Variants in RIMS1 observed in about 807,000 individuals in gnomAD.
RIMS1 encodes regulating synaptic membrane exocytosis 1.
RIMS1 carries 83 observed loss-of-function variants against 214.1 expected under a neutral mutation model. The observed-to-expected ratio is 0.39, with a 90% CI of 0.32 to 0.47. The LOEUF is 0.47. Ranked by LOEUF, RIMS1 falls within the 20% of genes least tolerant of loss-of-function variation. RIMS1 has a pLI of 0.99. For synonymous variants in RIMS1, 793 were observed against 786.8 expected, an observed-to-expected ratio of 1.01 and a Z score of -0.13; for missense variants, 2,050 against 2,161.8, an observed-to-expected ratio of 0.95 and a Z score of 1.03.
intron 4 of RIMS1, among the ~76,000 whole-genome samples, chr6:72,150,032 G>A (rs72653127): frequency 0.075 from 11,345 of 152,188 alleles, 642 homozygotes; most frequent in East Asian, 0.29. Flanking sequence ...AAAGGTGAGG[G>A]GGGTGGAGAG....
chr6:72,015,320 T>C (rs1334135310), intron 2 of RIMS1, among the ~76,000 whole-genome samples: 1 of 152,208 alleles, frequency 6.6e-6, no homozygotes, highest in Non-Finnish European at 1.5e-5. Context: ...TTTTGAATCT[T>C]GAATTTTTGG....
At chr6:72,273,626 A>G (rs2084612595) in intron 22 of RIMS1, among the ~76,000 whole-genome samples, 1 of 152,166 alleles carries the variant, frequency 6.6e-6, no homozygotes, top group African/African-American at 2.4e-5. Context: ...TAATTGACAT[A>G]CTTTTGCAAA....
chr6:72,054,169 A>G (rs1338017795), intron 2 of RIMS1, among the ~76,000 whole-genome samples: 1 of 152,004 alleles, frequency 6.6e-6, no homozygotes. Flanking sequence ...TGAGTGAGAA[A>G]ACGTGGTGTT....
intron 26 of RIMS1, among the ~76,000 whole-genome samples, chr6:72,302,442 G>A (rs147856677): frequency 0.017 from 2,565 of 151,590 alleles, 32 homozygotes; most frequent in Non-Finnish European, 0.023. Context: ...TCTTGGTATA[G>A]TCTATACTGA....
chr6:71,945,505 T>G (rs1358670780), intron 1 of RIMS1, among the ~76,000 whole-genome samples: 1 of 151,930 alleles, frequency 6.6e-6, no homozygotes, highest in Non-Finnish European at 1.5e-5. Context: ...GGCCTCAGAG[T>G]ATTGAATACA....
chr6:72,376,582 C>T (rs991755538), intron 29 of RIMS1, among the ~76,000 whole-genome samples: 2 of 151,982 alleles, frequency 1.3e-5, no homozygotes, highest in Non-Finnish European at 2.9e-5. Flanking sequence ...CCTGTCTCTA[C>T]AAAATCATAC....
intron 2 of RIMS1, among the ~76,000 whole-genome samples, chr6:72,005,674 C>T (rs556765019): frequency 6.6e-6 from 1 of 152,242 alleles, no homozygotes; most frequent in South Asian, 2.1e-4. Flanking sequence ...GCCTGTTGTG[C>T]TGGTAAAGAA....
At chr6:72,339,691 A>G (rs1409563341) in intron 29 of RIMS1, among the ~76,000 whole-genome samples, 2 of 151,956 alleles carry the variant, frequency 1.3e-5, no homozygotes, top group East Asian at 1.9e-4. Flanking sequence ...TCATTGTTGG[A>G]CATTTGGGTT....
At chr6:72,399,151 G>A (rs909832093) in intron 33 of RIMS1, 57 bp downstream of exon 33, 6 of 1,397,794 alleles carry the variant, frequency 4.3e-6, no homozygotes, top group African/African-American at 1.4e-5. Flanking sequence ...CCCATACATC[G>A]AAGAGATGGT....
chr6:71,922,478 T>C (rs963376670), intron 1 of RIMS1, among the ~76,000 whole-genome samples: 4 of 152,200 alleles, frequency 2.6e-5, no homozygotes, highest in Admixed American at 2.6e-4. Flanking sequence ...AGGTTTAGGC[T>C]GCAGTGAGAC....
intron 29 of RIMS1, among the ~76,000 whole-genome samples, chr6:72,373,361 C>T (rs16882348): frequency 0.015 from 2,254 of 152,258 alleles, 43 homozygotes; most frequent in African/African-American, 0.052. Context: ...CAGTGTTTTC[C>T]TTCTCAGGAA....
intron 23 of RIMS1, among the ~76,000 whole-genome samples, chr6:72,274,798 A>T (rs1026936038): frequency 1.3e-5 from 2 of 152,034 alleles, no homozygotes; most frequent in Admixed American, 6.6e-5. Context: ...CCTATTTGTT[A>T]TATTGGTTGA....
intron 2 of RIMS1, among the ~76,000 whole-genome samples, chr6:72,086,181 A>G (rs986767595): frequency 1.3e-5 from 2 of 152,174 alleles, no homozygotes; most frequent in Non-Finnish European, 2.9e-5. Flanking sequence ...GATTTCTTAA[A>G]TTTCAGAAGT....
chr6:72,223,493 C>T (rs1035723332), intron 6 of RIMS1, among the ~76,000 whole-genome samples: 31 of 151,558 alleles, frequency 2.0e-4, no homozygotes, highest in Non-Finnish European at 1.0e-4. Context: ...ACAGTAGCTG[C>T]GAAAATGTAA....
intron 6 of RIMS1, among the ~76,000 whole-genome samples, chr6:72,189,131 T>C (rs1042729334): frequency 6.6e-6 from 1 of 152,200 alleles, no homozygotes; most frequent in East Asian, 1.9e-4. Flanking sequence ...TTCTACCTTT[T>C]GATTCCTGGA....
chr6:71,898,966 A>C (rs886337076), intron 1 of RIMS1, among the ~76,000 whole-genome samples: 1 of 152,068 alleles, frequency 6.6e-6, no homozygotes, highest in African/African-American at 2.4e-5. Flanking sequence ...TTGAGATACT[A>C]TTTGTTATAG....
At chr6:72,053,747 G>T (rs1324884676) in intron 2 of RIMS1, among the ~76,000 whole-genome samples, 4 of 151,934 alleles carry the variant, frequency 2.6e-5, no homozygotes, top group Non-Finnish European at 5.9e-5. Context: ...ATAAATTCAG[G>T]TTTACAAAAC....
Position 72,237,821 on chromosome 6 carries a change from A to T in RIMS1, c.1858-2A>T. 1 of 1,607,902 alleles carries T rather than the reference A, an allele frequency of 6.2e-7. No homozygotes were observed. Among genetic ancestry groups the T allele is most frequent in the Non-Finnish European group, 8.5e-7 (1 of 1,174,614 alleles). On this transcript the variant is annotated splice_acceptor_variant, in intron 8 of 33. Transcript: ENST00000521978. LOFTEE classifies it high-confidence loss of function. ...GAAACTTATAAATTTGTAATTATCCAGGTTGTTGGAGGAAAAATGACTGAC... is the reference window on the plus strand; with the variant it reads ...GAAACTTATAAATTTGTAATTATCCTGGTTGTTGGAGGAAAAATGACTGAC...
chr6:71,938,294 T>A (rs959171339), intron 1 of RIMS1, among the ~76,000 whole-genome samples: 1 of 152,192 alleles, frequency 6.6e-6, no homozygotes, highest in African/African-American at 2.4e-5. Flanking sequence ...CTAGGGTCTC[T>A]GAGGTGGCCT....
Sources: gnomAD v4.1 joint callset for allele counts (sites outside exome capture counted in the v4.1 genomes callset) on GRCh38, gnomAD v4.1.1 for gene constraint, MANE v1.5 for transcripts, NCBI Gene and HGNC (gene_info 2026-07-23, HGNC 2026-07-21) for gene names.